The following SLC35F3 variants were observed in gnomAD, a reference collection of about 807,000 sequenced individuals.
SLC35F3 encodes the protein solute carrier family 35 member F3.
Under a neutral mutation model 49.9 loss-of-function variants are expected in SLC35F3, and 25 were observed. The observed-to-expected ratio is 0.50, with a 90% CI of 0.37 to 0.70. The LOEUF (loss-of-function observed/expected upper bound fraction) is 0.70, where lower values mean the gene tolerates loss of function less well. Ranked by LOEUF, SLC35F3 falls within the 30% of genes least tolerant of loss-of-function variation. SLC35F3 has a pLI of 0.00. For missense variants in SLC35F3, 525 were observed against 639.8 expected (o/e 0.82, Z 1.94); for synonymous variants, 275 against 265.4 (o/e 1.04, Z -0.35).
intron 2 of SLC35F3, among the ~76,000 whole-genome samples, chr1:234,035,905 T>G (rs114795256): frequency 1.5e-4 from 23 of 152,354 alleles, no homozygotes; most frequent in Non-Finnish European, 1.3e-4. Flanking sequence ...TTTTTCTGTT[T>G]GTTTCAGCTC....
chr1:234,281,088 C>A (rs187221256), intron 3 of SLC35F3, among the ~76,000 whole-genome samples: 31 of 151,832 alleles, frequency 2.0e-4, no homozygotes, highest in South Asian at 4.1e-4. Context: ...GTGTCCCCCC[C>A]CCATGCTCAA....
At chr1:234,043,041 A>G (rs1335607907) in intron 2 of SLC35F3, among the ~76,000 whole-genome samples, 2 of 152,236 alleles carry the variant, frequency 1.3e-5, no homozygotes, top group Non-Finnish European at 2.9e-5. Context: ...CAAATGTATG[A>G]TGTAACCACC....
chr1:234,246,263 C>G (rs1667629319), intron 3 of SLC35F3, among the ~76,000 whole-genome samples: 1 of 152,124 alleles, frequency 6.6e-6, no homozygotes, highest in African/African-American at 2.4e-5. Flanking sequence ...TTTCTCTAAC[C>G]TGACCCCAGA....
At chr1:233,909,605 A>G (rs1661837998) in intron 2 of SLC35F3, among the ~76,000 whole-genome samples, 1 of 152,184 alleles carries the variant, frequency 6.6e-6, no homozygotes, top group Non-Finnish European at 1.5e-5. Flanking sequence ...ACTGGACCAG[A>G]ATTCTTGGTG....
chr1:234,009,266 A>C (rs1291767517), intron 2 of SLC35F3, among the ~76,000 whole-genome samples: 6 of 152,210 alleles, frequency 3.9e-5, no homozygotes, highest in Non-Finnish European at 8.8e-5. Flanking sequence ...GCAGAATTCC[A>C]TGCTAGGTGC....
chr1:233,974,786 C>T (rs79484688), intron 2 of SLC35F3, among the ~76,000 whole-genome samples: 2,778 of 152,136 alleles, frequency 0.018, 84 homozygotes, highest in African/African-American at 0.064. Context: ...CATTTTTTGT[C>T]CCAGAGAAAC....
At chr1:233,992,160 G>A (rs1663366440) in intron 2 of SLC35F3, among the ~76,000 whole-genome samples, 1 of 152,172 alleles carries the variant, frequency 6.6e-6, no homozygotes. Context: ...GGATTGGTGG[G>A]CAAAGGGCAG....
chr1:234,298,780 C>T lies in SLC35F3; in HGVS notation c.609-10321C>T, dbSNP rs189284320. Reference sequence around the variant, plus strand: ...GCAGCTTAAATAAAGGTAGGCAATTCGCTGACAGAGTAAATCAGACTAACC... The same window carrying T: ...GCAGCTTAAATAAAGGTAGGCAATTTGCTGACAGAGTAAATCAGACTAACC... On this transcript the variant is annotated intron_variant, in intron 3 of 7. Transcript: ENST00000366618. 3.7e-4 allele frequency among the ~76,000 whole-genome samples: 56 copies of T among 152,208 alleles called. No homozygotes were observed. In the East Asian group the frequency reaches 3.9e-3, roughly 10 times the overall value.
At position 234,322,572 on chromosome 1, in the gene SLC35F3, G is replaced by T. The variant is rs138387781; in HGVS notation, c.1238-436G>T. Among the ~76,000 whole-genome samples the T allele has an allele frequency of 1.4e-4, 22 of 152,000 alleles. No individual in the cohort carries two copies. The East Asian group carries it at 4.3e-3, about 29-fold the overall frequency. On this transcript the variant is annotated intron_variant, in intron 7 of 7. Coordinates refer to ENST00000366618, the MANE Select transcript of SLC35F3 (RefSeq NM_173508.4). ...GAGGAGGGGTTGGTCTTGCTGTCTT[G>T]GTGTGGCAGAGGTGGAAGAAAATCC...
intron 2 of SLC35F3, among the ~76,000 whole-genome samples, chr1:234,083,629 C>A (rs1664915567): frequency 6.6e-6 from 1 of 152,196 alleles, no homozygotes; most frequent in African/African-American, 2.4e-5. Context: ...GATCTCCAAT[C>A]ATTTCTTATG....
intron 2 of SLC35F3, among the ~76,000 whole-genome samples, chr1:233,927,346 T>C (rs1371502624): frequency 1.3e-5 from 2 of 152,198 alleles, no homozygotes; most frequent in Non-Finnish European, 2.9e-5. Flanking sequence ...TTGAATAATA[T>C]TTATTTCCAT....
intron 2 of SLC35F3, among the ~76,000 whole-genome samples, chr1:234,192,944 T>C (rs1255154044): frequency 3.3e-5 from 5 of 152,072 alleles, no homozygotes; most frequent in Admixed American, 2.0e-4. Context: ...AAAGAAATCA[T>C]AGACAACACA....
chr1:234,152,541 T>C (rs890408013), intron 2 of SLC35F3, among the ~76,000 whole-genome samples: 3 of 152,196 alleles, frequency 2.0e-5, no homozygotes, highest in African/African-American at 4.8e-5. Context: ...TCCATGTCCC[T>C]GCAAAGGACA....
intron 2 of SLC35F3, among the ~76,000 whole-genome samples, chr1:234,010,526 T>G (rs1406062936): frequency 1.3e-5 from 2 of 152,082 alleles, no homozygotes; most frequent in Non-Finnish European, 2.9e-5. Flanking sequence ...TAGATTAAAA[T>G]CTCCAATAAA....
chr1:234,012,589 A>G (rs1053883475), intron 2 of SLC35F3, among the ~76,000 whole-genome samples: 4 of 152,220 alleles, frequency 2.6e-5, no homozygotes, highest in Admixed American at 1.3e-4. Flanking sequence ...GCTTGTAAAC[A>G]TTTTGTTAAC....
At chr1:234,077,025 T>G (rs1572042877) in intron 2 of SLC35F3, among the ~76,000 whole-genome samples, 1 of 133,120 alleles carries the variant, frequency 7.5e-6, no homozygotes, top group Admixed American at 8.4e-5. Flanking sequence ...TGAGACGGAG[T>G]CTCGCTCTGT....
At chr1:234,061,579 T>A (rs529003629) in intron 2 of SLC35F3, among the ~76,000 whole-genome samples, 2 of 152,114 alleles carry the variant, frequency 1.3e-5, no homozygotes, top group Non-Finnish European at 2.9e-5. Flanking sequence ...GGTTTGCCCA[T>A]TATGTATATA....
intron 2 of SLC35F3, among the ~76,000 whole-genome samples, chr1:234,000,039 A>G (rs1663527426): frequency 6.6e-6 from 1 of 152,214 alleles, no homozygotes; most frequent in Admixed American, 6.5e-5. Context: ...GGGCTATATA[A>G]AATCACAAAA....
chr1:234,241,727 C>A (rs974154719), intron 3 of SLC35F3, among the ~76,000 whole-genome samples: 3 of 135,036 alleles, frequency 2.2e-5, no homozygotes, highest in Non-Finnish European at 3.1e-5. Flanking sequence ...AAGAGTGACA[C>A]TCTGTCTCAA....
Sources: allele counts gnomAD v4.1 joint callset (sites outside exome capture counted in the v4.1 genomes callset), GRCh38; gene constraint gnomAD v4.1.1; transcripts MANE v1.5; gene names NCBI Gene and HGNC (gene_info 2026-07-23, HGNC 2026-07-21).